The following ADGRA3 variants were observed in gnomAD, a reference collection of about 807,000 sequenced individuals.
The protein encoded by ADGRA3 is adhesion G protein-coupled receptor A3, also known as G-protein coupled receptor 125.
In ADGRA3, 56 loss-of-function variants were observed where a neutral mutation model predicts 119.8. The observed-to-expected ratio is 0.47, with a 90% CI of 0.38 to 0.58. The LOEUF is 0.58. ADGRA3 is among the 20% of genes least tolerant of loss of function. ADGRA3 has a pLI of 0.00. For synonymous variants in ADGRA3, 607 were observed against 623.8 expected (o/e 0.97, Z 0.40); for missense variants, 1,516 against 1,649.0 (o/e 0.92, Z 1.40).
chr4:22,396,052 A>G (rs1015048059), intron 16 of ADGRA3, among the ~76,000 whole-genome samples: 3 of 152,200 alleles, frequency 2.0e-5, no homozygotes, highest in South Asian at 2.1e-4. Context: ...CTTTTATGGC[A>G]GAGCTAAGAA....
intron 7 of ADGRA3, among the ~76,000 whole-genome samples, chr4:22,439,095 C>T (rs1716511739): frequency 1.3e-5 from 2 of 152,152 alleles, no homozygotes; most frequent in South Asian, 4.1e-4. Flanking sequence ...CAAGTCACAT[C>T]TCCCTTCTCA....
In ADGRA3 at chr4:22,489,473, T is replaced by C. The variant is rs567887855; in HGVS notation, c.258-15630A>G. 9.2e-5 allele frequency among the ~76,000 whole-genome samples: 14 copies of C among 152,280 alleles called. No individual in the cohort carries two copies. In the East Asian group the frequency reaches 2.7e-3, roughly 29 times the overall value. ...TAATAGTTAAAATGATAAACATGTA[T>C]GTTTCCCCACAACAAAAACATAATG... On this transcript the variant is annotated intron_variant, in intron 1 of 18. Transcript: ENST00000334304.
intron 14 of ADGRA3, among the ~76,000 whole-genome samples, chr4:22,405,249 T>A (rs1465929048): frequency 1.3e-5 from 2 of 152,128 alleles, no homozygotes; most frequent in East Asian, 3.9e-4. Flanking sequence ...AAGAAATCAG[T>A]TATTTTTGGC....
intron 16 of ADGRA3, among the ~76,000 whole-genome samples, chr4:22,395,810 C>A (rs139173650): frequency 6.6e-6 from 1 of 152,010 alleles, no homozygotes; most frequent in African/African-American, 2.4e-5. Flanking sequence ...AAAACTACCT[C>A]CTAGGGTTAA....
chr4:22,454,061 A>G (rs1008944267), intron 4 of ADGRA3, among the ~76,000 whole-genome samples: 1 of 152,070 alleles, frequency 6.6e-6, no homozygotes, highest in South Asian at 2.1e-4. Context: ...GGGTTTTACC[A>G]TGTTAGCCAG....
Position 22,388,835 on chromosome 4 carries a change from G to C in ADGRA3, c.2836C>G (p.Pro946Ala), listed in dbSNP as rs768058984. 1 of 1,613,932 alleles carries C rather than the reference G, an allele frequency of 6.2e-7. No homozygotes were observed. Among genetic ancestry groups the C allele is most frequent in the Non-Finnish European group, 8.5e-7 (1 of 1,179,950 alleles). ...TCCTTAAGCTCATATTTGCGCTCAG[G>C]GTGTCTTTTCAACTGAATAAATATG... ...LSIFIQLKRH[P>A]ERKYELKEPT... The change falls in exon 19 of 19, where the codon CCT becomes GCT. Residue 946 changes from proline (P) to alanine (A), a missense_variant. This residue lies in a region of ADGRA3 where 1,088 missense variants were observed against 1,107.1 expected (regional missense o/e 0.98). Transcript: ENST00000334304.
chr4:22,496,885 C>T (rs566096526), intron 1 of ADGRA3, among the ~76,000 whole-genome samples: 1 of 152,338 alleles, frequency 6.6e-6, no homozygotes, highest in South Asian at 2.1e-4. Context: ...ATACCATGCC[C>T]ATGACAGATC....
chr4:22,505,520 G>A (rs576079191), intron 1 of ADGRA3, among the ~76,000 whole-genome samples: 20 of 151,946 alleles, frequency 1.3e-4, no homozygotes, highest in Admixed American at 1.1e-3. Flanking sequence ...GGTGGTGGGC[G>A]CCTGTAATCC....
At chr4:22,454,546 T>C (rs967556735) in intron 4 of ADGRA3, among the ~76,000 whole-genome samples, 5 of 152,182 alleles carry the variant, frequency 3.3e-5, no homozygotes, top group Admixed American at 3.3e-4. Flanking sequence ...TTTTACTATT[T>C]CCTAGAAATT....
chr4:22,464,670 C>T (rs1717591756), intron 2 of ADGRA3, among the ~76,000 whole-genome samples: 1 of 152,190 alleles, frequency 6.6e-6, no homozygotes, highest in Non-Finnish European at 1.5e-5. Context: ...TTCTCTTGGG[C>T]ACCTCCTGAG....
At chr4:22,403,980 G>A (rs955526819) in intron 14 of ADGRA3, among the ~76,000 whole-genome samples, 1 of 152,120 alleles carries the variant, frequency 6.6e-6, no homozygotes, top group East Asian at 1.9e-4. Flanking sequence ...AAACAATGCA[G>A]ACACTGCCTC....
intron 12 of ADGRA3, among the ~76,000 whole-genome samples, chr4:22,417,937 A>T (rs1024870912): frequency 3.9e-5 from 6 of 152,206 alleles, no homozygotes; most frequent in Non-Finnish European, 1.5e-5. Flanking sequence ...TGTGTAAAGA[A>T]AAACTGATTT....
chr4:22,466,625 G>A (rs111387761), intron 2 of ADGRA3, among the ~76,000 whole-genome samples: 4,630 of 152,122 alleles, frequency 0.03, 87 homozygotes, highest in South Asian at 0.053. Flanking sequence ...TACTCAGGAG[G>A]CTGAGGCTTG....
chr4:22,416,391 A>G (rs1715431986), intron 12 of ADGRA3, among the ~76,000 whole-genome samples: 1 of 152,190 alleles, frequency 6.6e-6, no homozygotes, highest in African/African-American at 2.4e-5. Context: ...AAAATCATAT[A>G]CCATGTAGAG....
chr4:22,450,414 T>A (rs1400446232), intron 4 of ADGRA3, among the ~76,000 whole-genome samples: 2 of 151,942 alleles, frequency 1.3e-5, no homozygotes, highest in Non-Finnish European at 2.9e-5. Flanking sequence ...TACAGGTACA[T>A]GCCACCAGGC....
intron 16 of ADGRA3, among the ~76,000 whole-genome samples, chr4:22,396,882 G>T (rs553676620): frequency 1.3e-5 from 2 of 152,260 alleles, no homozygotes; most frequent in East Asian, 3.9e-4. Flanking sequence ...GACAATGAAA[G>T]GCAGTCATCT....
chr4:22,413,452 A>C, intron 13 of ADGRA3, 62 bp from the exon 14 acceptor site: 2 of 1,471,154 alleles, frequency 1.4e-6, no homozygotes, highest in Non-Finnish European at 1.9e-6. Flanking sequence ...TATAAATGTC[A>C]ACTTCTACAG....
intron 1 of ADGRA3, among the ~76,000 whole-genome samples, chr4:22,498,908 G>A (rs185949455): frequency 3.1e-3 from 313 of 101,028 alleles, no homozygotes; most frequent in Non-Finnish European, 4.7e-3. Context: ...AGCGAGACTC[G>A]TCTCAAAAAA....
intron 4 of ADGRA3, among the ~76,000 whole-genome samples, chr4:22,450,820 C>A (rs544950730): frequency 4.4e-4 from 67 of 151,874 alleles, no homozygotes; most frequent in African/African-American, 1.6e-3. Flanking sequence ...ACTAAATCAA[C>A]ATGTACTCTA....
Sources: allele counts gnomAD v4.1 joint callset (sites outside exome capture counted in the v4.1 genomes callset), GRCh38; gene constraint gnomAD v4.1.1; regional missense constraint gnomAD v4.1.1; transcripts MANE v1.5; gene names NCBI Gene and HGNC (gene_info 2026-07-23, HGNC 2026-07-21).